The following CFAP97 variants were observed in gnomAD, a reference collection of about 807,000 sequenced individuals.
CFAP97 encodes cilia and flagella associated protein 97, also known as cilia- and flagella-associated protein 97.
A neutral mutation model predicts 43.1 loss-of-function variants in CFAP97; 36 were observed. That is an observed-to-expected ratio of 0.84 (90% CI 0.64 to 1.10). The LOEUF (loss-of-function observed/expected upper bound fraction) is 1.10, where lower values mean the gene tolerates loss of function less well. Among genes scored for constraint, CFAP97 ranks in the 50% least tolerant of loss-of-function variants. CFAP97 has a pLI of 0.00. For synonymous variants in CFAP97, 228 were observed against 225.7 expected (o/e 1.01, Z -0.09); for missense variants, 657 against 620.3 (o/e 1.06, Z -0.63).
At chr4:185,205,880 T>C (rs921481031), upstream of CFAP97, among the ~76,000 whole-genome samples, 1 of 152,102 alleles carries the variant, frequency 6.6e-6, no homozygotes, top group East Asian at 1.9e-4. Flanking sequence ...AGGACTTGAG[T>C]AGATATTTCT....
At chr4:185,164,519 C>T (rs1433823952) in intron 3 of CFAP97, among the ~76,000 whole-genome samples, 1 of 152,196 alleles carries the variant, frequency 6.6e-6, no homozygotes, top group Non-Finnish European at 1.5e-5. Flanking sequence ...TGTGATATAA[C>T]AATTCATCCA....
chr4:185,190,631 A>C lies in CFAP97; in HGVS notation c.566T>G (p.Leu189Ter). 1 of 1,596,064 alleles carries C rather than the reference A, an allele frequency of 6.3e-7. No individual in the cohort carries two copies. The highest frequency in any genetic ancestry group is 8.5e-7 in the Non-Finnish European group (1 of 1,170,494). ...SSSSGSGTDCLDAGSDSHLSD... is the reference protein window; with the variant it reads ...SSSSGSGTDC ...TAGATGGCTATCAGACCCTGCATCT[A>C]AACAATCTGTACCTGAACCTGAAGA... Residue 189 changes from leucine to a stop codon, truncating the protein, a stop_gained, in exon 2 of 5, where the codon TTA becomes TGA. Coordinates refer to ENST00000458385, the MANE Select transcript of CFAP97 (RefSeq NM_020827.3). LOFTEE classifies it high-confidence loss of function.
intron 2 of CFAP97, among the ~76,000 whole-genome samples, chr4:185,178,240 CTTTTTTTTTT>C (rs562452947): frequency 4.7e-5 from 3 of 64,236 alleles, no homozygotes; most frequent in South Asian, 6.8e-4. Context: ...CGGTTTTTGT[CTTTTTTTTTT>C]TTTTTTTTTT....
chr4:185,172,286 G>C (rs753180902), intron 3 of CFAP97, among the ~76,000 whole-genome samples: 4 of 152,148 alleles, frequency 2.6e-5, no homozygotes, highest in Non-Finnish European at 2.9e-5. Flanking sequence ...TGTTTAATGA[G>C]AGGAAGGATA....
At chr4:185,184,352 C>T (rs1036142172) in intron 2 of CFAP97, among the ~76,000 whole-genome samples, 16 of 152,322 alleles carry the variant, frequency 1.1e-4, no homozygotes, top group Middle Eastern at 3.4e-3. Flanking sequence ...GCCTGCTTGG[C>T]CCAGGATAAT....
At chr4:185,207,047 GC>G (rs1250573173), upstream of CFAP97, among the ~76,000 whole-genome samples, 2 of 152,052 alleles carry the variant, frequency 1.3e-5, no homozygotes. Flanking sequence ...TTCTTTCTGG[GC>G]CACAGCTGAT....
chr4:185,164,078 T>C lies in CFAP97; in HGVS notation c.1422A>G (p.Ser474=). ...YHRNMGYLNS[S]PLSRRARSTL... ...TGGATCTGGCCCGTCTTGACAATGG[T>C]GATGAGTTGAGATAGCCCATATTGC... Residue 474 remains serine, a synonymous_variant, in exon 4 of 5, where the codon TCA becomes TCG. Transcript: ENST00000458385. 6.2e-7 allele frequency: 1 copy of C among 1,613,992 alleles called. No homozygotes were observed. Among genetic ancestry groups the C allele is most frequent in the African/African-American group, 1.3e-5 (1 of 75,046 alleles).
chr4:185,176,829 A>C (rs1735568866), intron 2 of CFAP97, among the ~76,000 whole-genome samples: 1 of 152,220 alleles, frequency 6.6e-6, no homozygotes. Context: ...GTAACTCCGA[A>C]TATTCCAAAA....
At chr4:185,191,598 G>A (rs1375632254) in intron 1 of CFAP97, among the ~76,000 whole-genome samples, 3 of 152,174 alleles carry the variant, frequency 2.0e-5, no homozygotes, top group Non-Finnish European at 2.9e-5. Flanking sequence ...TTGGGAGGCC[G>A]AGGCGAGTGG....
intron 2 of CFAP97, among the ~76,000 whole-genome samples, chr4:185,187,640 G>A (rs770300832): frequency 6.6e-6 from 1 of 151,714 alleles, no homozygotes; most frequent in Non-Finnish European, 1.5e-5. Flanking sequence ...CAACAGGAGC[G>A]GCAACAACAA....
intron 3 of CFAP97, among the ~76,000 whole-genome samples, chr4:185,165,484 A>G (rs899948703): frequency 1.3e-5 from 2 of 152,180 alleles, no homozygotes; most frequent in Non-Finnish European, 2.9e-5. Flanking sequence ...GGCATTGTTG[A>G]GAAAGAAATA....
chr4:185,193,509 G>A (rs1358775975), intron 1 of CFAP97, among the ~76,000 whole-genome samples: 1 of 152,084 alleles, frequency 6.6e-6, no homozygotes, highest in Non-Finnish European at 1.5e-5. Flanking sequence ...AGCCAGGTGT[G>A]GTAGTGTGCG....
chr4:185,165,236 T>C (rs1038235854), intron 3 of CFAP97, among the ~76,000 whole-genome samples: 1 of 152,170 alleles, frequency 6.6e-6, no homozygotes, highest in African/African-American at 2.4e-5. Context: ...ATGACCTGCT[T>C]GAGTTCAGGA....
At chr4:185,165,029 C>G (rs1414846272) in intron 3 of CFAP97, among the ~76,000 whole-genome samples, 1 of 152,158 alleles carries the variant, frequency 6.6e-6, no homozygotes, top group East Asian at 1.9e-4. Context: ...TTCTACTAGC[C>G]CAGCTATGCT....
intron 1 of CFAP97, among the ~76,000 whole-genome samples, chr4:185,200,461 G>T (rs1213608642): frequency 6.6e-6 from 1 of 152,196 alleles, no homozygotes; most frequent in African/African-American, 2.4e-5. Flanking sequence ...CCAACAGGGT[G>T]AATCTCCGTC....
At chr4:185,180,683 A>G (rs1184974940) in intron 2 of CFAP97, among the ~76,000 whole-genome samples, 1 of 151,978 alleles carries the variant, frequency 6.6e-6, no homozygotes, top group Admixed American at 6.5e-5. Flanking sequence ...ACCCACTTGC[A>G]TTCTTTGTAC....
chr4:185,196,926 CTTATCTT>C (rs1441311541), intron 1 of CFAP97, among the ~76,000 whole-genome samples: 2 of 151,678 alleles, frequency 1.3e-5, no homozygotes, highest in African/African-American at 2.4e-5. Context: ...GTGGTGAAAC[CTTATCTT>C]TACAAAAATA....
At chr4:185,207,430 C>T (rs1737235800), upstream of CFAP97, among the ~76,000 whole-genome samples, 1 of 152,138 alleles carries the variant, frequency 6.6e-6, no homozygotes, top group Admixed American at 6.5e-5. Flanking sequence ...GTTGACCAGG[C>T]TGGTCTCAAA....
At chr4:185,195,842 A>ATTTTT (rs1401973145) in intron 1 of CFAP97, among the ~76,000 whole-genome samples, 1 of 152,188 alleles carries the variant, frequency 6.6e-6, no homozygotes, top group Non-Finnish European at 1.5e-5. Flanking sequence ...ACTCCCAAAA[A>ATTTTT]TGTCACCTTT....
Sources: gnomAD v4.1 joint callset for allele counts (sites outside exome capture counted in the v4.1 genomes callset) on GRCh38, gnomAD v4.1.1 for gene constraint, MANE v1.5 for transcripts, NCBI Gene and HGNC (gene_info 2026-07-23, HGNC 2026-07-21) for gene names.